Variants in FAM228B observed in about 807,000 individuals in gnomAD.
FAM228B encodes the protein protein FAM228B.
FAM228B carries 38 observed loss-of-function variants against 42.6 expected under a neutral mutation model. That is an observed-to-expected ratio of 0.89 (90% CI 0.69 to 1.17). The LOEUF is 1.17. FAM228B is among the 50% of genes most tolerant of loss of function. The pLI is 0.00. For missense variants in FAM228B, 344 were observed against 367.3 expected (o/e 0.94, Z 0.52); for synonymous variants, 109 against 122.3 (o/e 0.89, Z 0.72).
upstream of FAM228B, chr2:24,122,403 A>T (rs550510405): frequency 4.4e-5 from 68 of 1,560,744 alleles, no homozygotes; most frequent in East Asian, 1.3e-3. Context: ...TTAGGTCCAA[A>T]CTTGTTTTTT....
At chr2:24,079,516 C>T in intron 1 of FAM228B, 2 of 1,614,116 alleles carry the variant, frequency 1.2e-6, no homozygotes, top group Non-Finnish European at 8.5e-7. Context: ...AAAACAGGGG[C>T]CCATTGATGT....
chr2:24,143,515 G>A (rs1009389573), intron 5 of FAM228B, among the ~76,000 whole-genome samples: 5 of 152,060 alleles, frequency 3.3e-5, no homozygotes, highest in Admixed American at 6.6e-5. Flanking sequence ...TTTCAATTAC[G>A]TATCTCTATA....
chr2:24,098,123 C>T (rs1029875873), intron 3 of FAM228B, among the ~76,000 whole-genome samples: 4 of 152,106 alleles, frequency 2.6e-5, no homozygotes, highest in East Asian at 1.9e-4. Flanking sequence ...CTCTGGGACA[C>T]GTTTAAAGCA....
Position 24,145,561 on chromosome 2 carries a change from G to T in FAM228B, c.442-1187G>T, listed in dbSNP as rs576638729. Among the ~76,000 whole-genome samples, 5 of 152,248 alleles carry T rather than the reference G, an allele frequency of 3.3e-5. No individual in the cohort carries two copies. The South Asian group carries it at 1.0e-3, about 32-fold the overall frequency. On this transcript the variant is annotated intron_variant, in intron 5 of 10. Transcript: ENST00000615575. ...ATGTCAATGTAAGGACACAAGAAAC[G>T]TGAAAAAGCAAGGCTCTGACACCTC...
chr2:24,147,141 A>G, intron 7 of FAM228B, 55 bp downstream of exon 7: 1 of 1,211,650 alleles, frequency 8.3e-7, no homozygotes. Flanking sequence ...AAAATTCTTC[A>G]GACTGATATA....
intron 2 of FAM228B, among the ~76,000 whole-genome samples, chr2:24,127,040 A>G (rs1480060168): frequency 6.6e-6 from 1 of 152,062 alleles, no homozygotes; most frequent in African/African-American, 2.4e-5. Flanking sequence ...TGTCACCACT[A>G]TCTAATTCCA....
chr2:24,135,410 A>AT lies in FAM228B; in HGVS notation c.168+227dup, dbSNP rs138494703. ...AATTCCTTTGCAGAGAGGCACAGAA[A>AT]TTTTCCTCTACTCACTTGTTTCTTT... On this transcript the variant is annotated intron_variant, in intron 3 of 10. Transcript: ENST00000615575. 9.1e-4 allele frequency among the ~76,000 whole-genome samples: 138 copies of AT among 152,198 alleles called. 2 individuals carry two copies. In the East Asian group the frequency reaches 0.024, roughly 27 times the overall value.
chr2:24,093,762 G>T (rs542880856), intron 2 of FAM228B, among the ~76,000 whole-genome samples: 1 of 151,952 alleles, frequency 6.6e-6, no homozygotes, highest in South Asian at 2.1e-4. Context: ...GACTACAGGG[G>T]CCCACCACCT....
chr2:24,125,157 G>A (rs913120955), intron 2 of FAM228B, among the ~76,000 whole-genome samples: 1 of 152,116 alleles, frequency 6.6e-6, no homozygotes, highest in South Asian at 2.1e-4. Flanking sequence ...TGGGAGGGTC[G>A]CTTGAGCCCA....
intron 3 of FAM228B, among the ~76,000 whole-genome samples, chr2:24,135,785 T>C (rs1194424475): frequency 1.3e-5 from 2 of 152,170 alleles, no homozygotes; most frequent in African/African-American, 4.8e-5. Flanking sequence ...AATTTCACGC[T>C]CTTCCTAGTA....
chr2:24,097,539 C>T (rs1229438837), intron 3 of FAM228B: 2 of 151,320 alleles, frequency 1.3e-5, no homozygotes, highest in African/African-American at 4.9e-5. Flanking sequence ...AGAGACAAGG[C>T]CATTACATAA....
intron 5 of FAM228B, among the ~76,000 whole-genome samples, chr2:24,144,905 T>C (rs1473834632): frequency 1.3e-5 from 2 of 152,140 alleles, no homozygotes; most frequent in Non-Finnish European, 2.9e-5. Context: ...TCCACCACCA[T>C]TGGCGAGAGC....
intron 7 of FAM228B, among the ~76,000 whole-genome samples, chr2:24,160,721 G>A (rs1667266158): frequency 6.6e-6 from 1 of 151,872 alleles, no homozygotes; most frequent in South Asian, 2.1e-4. Context: ...TTTTCTCTGT[G>A]CCAGCAAAAT....
intron 3 of FAM228B, among the ~76,000 whole-genome samples, chr2:24,135,853 T>C (rs1215696637): frequency 6.6e-6 from 1 of 152,064 alleles, no homozygotes; most frequent in Non-Finnish European, 1.5e-5. Flanking sequence ...TGAGAATGAA[T>C]TAGTTTGTAG....
intron 2 of FAM228B, among the ~76,000 whole-genome samples, chr2:24,126,934 C>T (rs998956541): frequency 2.6e-5 from 4 of 152,196 alleles, no homozygotes; most frequent in Admixed American, 2.6e-4. Flanking sequence ...CCAAGATTCA[C>T]TACTCTAAAG....
intron 3 of FAM228B, among the ~76,000 whole-genome samples, chr2:24,101,990 T>G (rs1665619446): frequency 6.6e-6 from 1 of 152,204 alleles, no homozygotes; most frequent in African/African-American, 2.4e-5. Context: ...TCCCTATTTT[T>G]TATTTTTATA....
intron 2 of FAM228B, among the ~76,000 whole-genome samples, chr2:24,086,234 C>CAAAAA (rs57641176): frequency 1.2e-3 from 74 of 63,926 alleles, no homozygotes; most frequent in African/African-American, 4.2e-3. Flanking sequence ...GACTCCGTCT[C>CAAAAA]AAAAAAAAAA....
At chr2:24,164,177 C>T in intron 8 of FAM228B, 21 bp from the exon 9 acceptor site, 2 of 1,535,014 alleles carry the variant, frequency 1.3e-6, no homozygotes, top group Non-Finnish European at 8.8e-7. Flanking sequence ...GAATCCCTTC[C>T]TTTCTGGTTC....
intron 5 of FAM228B, among the ~76,000 whole-genome samples, chr2:24,143,436 C>T (rs917324479): frequency 9.9e-5 from 15 of 152,242 alleles, no homozygotes; most frequent in East Asian, 9.7e-4. Context: ...CCTCGTGATC[C>T]GCCCGCCTTG....
Sources: gnomAD v4.1 joint callset for allele counts (sites outside exome capture counted in the v4.1 genomes callset) on GRCh38, gnomAD v4.1.1 for gene constraint, MANE v1.5 for transcripts, NCBI Gene and HGNC (gene_info 2026-07-23, HGNC 2026-07-21) for gene names.